Variants in XRCC4 observed in about 807,000 individuals in gnomAD.
XRCC4 encodes DNA repair protein XRCC4.
A neutral mutation model predicts 39.1 loss-of-function variants in XRCC4; 28 were observed. The ratio of observed to expected loss-of-function variants is 0.72; its 90% confidence interval spans 0.53 to 0.98. The LOEUF (loss-of-function observed/expected upper bound fraction) is 0.98, where lower values mean the gene tolerates loss of function less well. Ranked by LOEUF, XRCC4 falls within the 50% of genes least tolerant of loss-of-function variation. XRCC4 has a pLI of 0.00. For synonymous variants in XRCC4, 123 were observed against 126.4 expected, an observed-to-expected ratio of 0.97 and a Z score of 0.18; for missense variants, 350 against 376.4, an observed-to-expected ratio of 0.93 and a Z score of 0.58.
chr5:83,304,176 CTTT>C (rs753535950), intron 7 of XRCC4, among the ~76,000 whole-genome samples: 6 of 128,358 alleles, frequency 4.7e-5, no homozygotes, highest in Non-Finnish European at 8.2e-5. Flanking sequence ...TGTTAAACAA[CTTT>C]TTTTTTTTTT....
intron 7 of XRCC4, among the ~76,000 whole-genome samples, chr5:83,303,229 A>C (rs1193208244): frequency 1.3e-5 from 2 of 151,854 alleles, no homozygotes; most frequent in African/African-American, 4.8e-5. Flanking sequence ...AAAAAAAAAA[A>C]AAAAGATGTC....
chr5:83,262,992 C>A (rs1413075703), intron 7 of XRCC4, among the ~76,000 whole-genome samples: 2 of 126,166 alleles, frequency 1.6e-5, no homozygotes, highest in African/African-American at 5.8e-5. Flanking sequence ...ATCCCTCCCC[C>A]CCTCCCCCCA....
At chr5:83,106,436 C>T (rs759583057) in intron 2 of XRCC4, among the ~76,000 whole-genome samples, 12 of 151,946 alleles carry the variant, frequency 7.9e-5, no homozygotes, top group African/African-American at 2.4e-5. Flanking sequence ...TAGTTGTTGT[C>T]AGACAGATGA....
chr5:83,281,899 C>T (rs1326717613), intron 7 of XRCC4, among the ~76,000 whole-genome samples: 1 of 152,178 alleles, frequency 6.6e-6, no homozygotes, highest in Non-Finnish European at 1.5e-5. Context: ...TTTTGATTAG[C>T]TACCTTCTAT....
chr5:83,254,142 ATGT>A (rs147109066), intron 6 of XRCC4, among the ~76,000 whole-genome samples: 4,357 of 150,128 alleles, frequency 0.029, 181 homozygotes, highest in African/African-American at 0.099. Context: ...GGTAAAAGAC[ATGT>A]TGTCGTGACA....
the XRCC4 span, among the ~76,000 whole-genome samples, chr5:83,364,441 A>G: frequency 2.6e-4 from 39 of 152,182 alleles, no homozygotes; most frequent in African/African-American, 8.4e-4. Context: ...GAATACTAAA[A>G]AAAAATCTTT....
chr5:83,371,291 A>T, the XRCC4 span, among the ~76,000 whole-genome samples: 1 of 152,132 alleles, frequency 6.6e-6, no homozygotes, highest in Admixed American at 6.6e-5. Context: ...CTTTTACCAT[A>T]TCTTCCTCAC....
intron 7 of XRCC4, 24 bp downstream of exon 7, chr5:83,258,701 A>G: frequency 6.2e-7 from 1 of 1,602,776 alleles, no homozygotes; most frequent in Non-Finnish European, 8.5e-7. Context: ...TTCTTTGCCA[A>G]GAAGTGAGAT....
chr5:83,338,929 T>C (rs1756671936), intron 7 of XRCC4, among the ~76,000 whole-genome samples: 1 of 152,200 alleles, frequency 6.6e-6, no homozygotes. Flanking sequence ...TAGTGACATA[T>C]AACTTTTTAT....
intron 6 of XRCC4, among the ~76,000 whole-genome samples, chr5:83,228,997 C>A (rs562300443): frequency 6.6e-6 from 1 of 152,046 alleles, no homozygotes; most frequent in South Asian, 2.1e-4. Flanking sequence ...TTTATAGTTC[C>A]TGTGGTGCAG....
intron 3 of XRCC4, among the ~76,000 whole-genome samples, chr5:83,133,126 A>C (rs1300134341): frequency 2.0e-5 from 3 of 151,942 alleles, no homozygotes; most frequent in East Asian, 4.0e-4. Flanking sequence ...CCTCAGCTGT[A>C]GGTCTGTTGG....
chr5:83,122,303 A>T (rs1331759436), intron 3 of XRCC4, among the ~76,000 whole-genome samples: 2 of 152,142 alleles, frequency 1.3e-5, no homozygotes, highest in African/African-American at 4.8e-5. Context: ...AATATAATAC[A>T]TCCATATATT....
intron 3 of XRCC4, among the ~76,000 whole-genome samples, chr5:83,111,730 A>G (rs1250336481): frequency 6.6e-6 from 1 of 152,154 alleles, no homozygotes; most frequent in Non-Finnish European, 1.5e-5. Context: ...CTTTGCAAAC[A>G]AGAGTATCTG....
intron 3 of XRCC4, among the ~76,000 whole-genome samples, chr5:83,151,747 C>T (rs991317928): frequency 6.6e-6 from 1 of 151,898 alleles, no homozygotes; most frequent in African/African-American, 2.4e-5. Flanking sequence ...ATATTTCTGC[C>T]GAAACCTTAC....
chr5:83,280,614 C>G (rs915551126), intron 7 of XRCC4: 1 of 403,620 alleles, frequency 2.5e-6, no homozygotes, highest in East Asian at 4.5e-5. Flanking sequence ...CCACCCTTCT[C>G]AAGGCTGCCT....
In XRCC4 at chr5:83,092,568, A is replaced by G. The variant is rs536440784; in HGVS notation, c.-10-12342A>G. ...ACAGGGTTAAAGGACAAAATTATTA[A>G]TTGCAACCACAGCTACAATAAACTT... On this transcript the variant is annotated intron_variant, in intron 1 of 7. Transcript: ENST00000396027. 8.5e-5 allele frequency among the ~76,000 whole-genome samples: 13 copies of G among 152,244 alleles called. No individual in the cohort carries two copies. The South Asian group carries it at 2.7e-3, about 32-fold the overall frequency.
chr5:83,215,032 A>G (rs1460260720), intron 6 of XRCC4, among the ~76,000 whole-genome samples: 4 of 152,050 alleles, frequency 2.6e-5, no homozygotes, highest in African/African-American at 9.7e-5. Context: ...TTATATTTAT[A>G]GATTAGAAAT....
intron 7 of XRCC4, among the ~76,000 whole-genome samples, chr5:83,347,685 C>T (rs1302083991): frequency 6.6e-6 from 1 of 152,066 alleles, no homozygotes. Context: ...ATCCCTGGCC[C>T]CTCCCACATC....
At chr5:83,287,717 T>G (rs1242155915) in intron 7 of XRCC4, among the ~76,000 whole-genome samples, 1 of 151,912 alleles carries the variant, frequency 6.6e-6, no homozygotes, top group African/African-American at 2.4e-5. Flanking sequence ...TAAATGCATG[T>G]CATATATTCA....
Sources: allele counts gnomAD v4.1 joint callset (sites outside exome capture counted in the v4.1 genomes callset), GRCh38; gene constraint gnomAD v4.1.1; transcripts MANE v1.5; gene names NCBI Gene and HGNC (gene_info 2026-07-23, HGNC 2026-07-21).